Variants in COPS7A observed in about 807,000 individuals in gnomAD.
COPS7A encodes COP9 signalosome subunit 7A, also known as COP9 signalosome complex subunit 7a.
COPS7A carries 20 observed loss-of-function variants against 35.2 expected under a neutral mutation model. The observed-to-expected ratio is 0.57, with a 90% confidence interval of 0.40 to 0.83. The LOEUF is 0.83. Ranked by LOEUF, COPS7A falls within the 40% of genes least tolerant of loss-of-function variation. COPS7A has a pLI of 0.00. For missense variants in COPS7A, 247 were observed against 347.5 expected, an observed-to-expected ratio of 0.71 and a Z score of 2.30; for synonymous variants, 139 against 141.4, an observed-to-expected ratio of 0.98 and a Z score of 0.12.
Position 6,728,167 on chromosome 12 carries a change from A to G in COPS7A, c.239-56A>G, listed in dbSNP as rs1941303772. The stretch of plus-strand genomic sequence containing the variant: ...AAGTGGGAGGGAAGGGAAGGAGGCT[A>G]GGGCTTCCCAGAAAACTGAAATCAG... On this transcript the variant is annotated intron_variant, in intron 3 of 7. Transcript: ENST00000543155. 1.9e-6 allele frequency: 3 copies of G among 1,554,156 alleles called. No individual in the cohort carries two copies. In the South Asian group the frequency reaches 3.4e-5, roughly 17 times the overall value.
In COPS7A at chr12:6,731,485, C is replaced by T. The variant is rs58851146; in HGVS notation, c.*446C>T. 5,221 of 317,192 alleles carry T rather than the reference C, an allele frequency of 0.016. 243 individuals are homozygous for T. Among genetic ancestry groups the T allele is most frequent in the African/African-American group, 0.1 (4,695 of 46,416 alleles). The allele number at this position is 317,192 out of a possible 1,614,324, so 19.6% of individuals were successfully genotyped here. On this transcript the variant is annotated 3_prime_UTR_variant, in exon 8 of 8. Transcript: ENST00000543155. ...GAGCAGCCTCTGAAGAGCCATAGGGCCCCCACCTTTACTCACACCCTGAGA... is the reference window on the plus strand; with the variant it reads ...GAGCAGCCTCTGAAGAGCCATAGGGTCCCCACCTTTACTCACACCCTGAGA...
chr12:6,724,933 A>G, intron 2 of COPS7A, 115 bp downstream of exon 2: 1 of 1,149,364 alleles, frequency 8.7e-7, no homozygotes, highest in Non-Finnish European at 1.2e-6. Flanking sequence ...ACAAGAAAAC[A>G]GTGATAATTA....
chr12:6,727,878 G>T, intron 2 of COPS7A, 48 bp from the exon 3 acceptor site: 1 of 1,576,158 alleles, frequency 6.3e-7, no homozygotes, highest in Non-Finnish European at 8.7e-7. Context: ...GGCTGGGAGG[G>T]TGGAGAGGGA....
Position 6,729,243 on chromosome 12 carries a change from C to G in COPS7A, c.328-4C>G, listed in dbSNP as rs747192926. 6.2e-7 allele frequency: 1 copy of G among 1,614,062 alleles called. No individual in the cohort carries two copies. The highest frequency in any genetic ancestry group is 1.1e-5 in the South Asian group (1 of 91,080). On this transcript the variant is annotated splice_polypyrimidine_tract_variant and splice_region_variant and intron_variant, in intron 4 of 7. Coordinates refer to ENST00000543155, the MANE Select transcript of COPS7A (RefSeq NM_001164094.2). This position sits in a 1 kb window ranked among gnomAD's most constrained non-coding sequence, Gnocchi z 4.2. Reference sequence around the variant, plus strand: ...AAATCCTGGCCTGATCTCCGCGGCCCCAGTGTATCCCATATGCAGTGTTGC... The same window carrying G: ...AAATCCTGGCCTGATCTCCGCGGCCGCAGTGTATCCCATATGCAGTGTTGC...
At chr12:6,726,937 T>TG (rs1407542129) in intron 2 of COPS7A, among the ~76,000 whole-genome samples, 2 of 152,228 alleles carry the variant, frequency 1.3e-5, no homozygotes, top group Non-Finnish European at 2.9e-5. Context: ...AAGTATTTCT[T>TG]GCGAGGCAAT....
rs3168600 is a variant in COPS7A, at chr12:6,731,043, G to T, written c.*4G>T. Reference sequence around the variant, plus strand: ...GATTTGGTCCAAGTCGAATTGAAAGGACTGTCGTTTCCTCCCTGGGGATGT... The same window carrying T: ...GATTTGGTCCAAGTCGAATTGAAAGTACTGTCGTTTCCTCCCTGGGGATGT... On this transcript the variant is annotated 3_prime_UTR_variant, in exon 8 of 8. Transcript: ENST00000543155. 2.5e-6 allele frequency: 4 copies of T among 1,613,542 alleles called. No homozygotes were observed. Among genetic ancestry groups the T allele is most frequent in the Admixed American group, 1.7e-5 (1 of 59,958 alleles).
chr12:6,727,462 A>G (rs1239388890), intron 2 of COPS7A, among the ~76,000 whole-genome samples: 4 of 151,954 alleles, frequency 2.6e-5, no homozygotes, highest in African/African-American at 9.7e-5. Context: ...CAGAGACCAT[A>G]AGTTTAGATG....
intron 1 of COPS7A, 160 bp from the exon 2 acceptor site, chr12:6,724,454 G>A: frequency 1.5e-6 from 1 of 651,940 alleles, no homozygotes; most frequent in Non-Finnish European, 2.7e-6. Flanking sequence ...TTGCGAAGTG[G>A]CTGACTTTAG....
Position 6,729,539 on chromosome 12 carries a change from C to G in COPS7A, c.530+90C>G, listed in dbSNP as rs1456561806. The G allele has an allele frequency of 5.9e-6, 8 of 1,344,720 alleles. No individual in the cohort carries two copies. Among genetic ancestry groups the G allele is most frequent in the Non-Finnish European group, 8.2e-6 (8 of 978,946 alleles). The allele number at this position is 1,344,720 out of a possible 1,614,324, so 83.3% of individuals were successfully genotyped here. On this transcript the variant is annotated intron_variant, in intron 5 of 7. Coordinates refer to ENST00000543155, the MANE Select transcript of COPS7A (RefSeq NM_001164094.2). The surrounding 1 kb of genome is among the most constrained non-coding windows in gnomAD (Gnocchi z 4.2). Reference sequence around the variant, plus strand: ...AGAGAGGGCAGGAGCTGGGCTGGTCCGCAGAGGTGGAACCCAAGAGGATGA... The same window carrying G: ...AGAGAGGGCAGGAGCTGGGCTGGTCGGCAGAGGTGGAACCCAAGAGGATGA...
Position 6,730,889 on chromosome 12 carries a change from C to T in COPS7A, c.788+69C>T, listed in dbSNP as rs56992815. On this transcript the variant is annotated intron_variant, in intron 7 of 7. Transcript: ENST00000543155. ...CTTTTACCCCAGGGACCTCACTGTC[C>T]TCATTTCCTTCAGTTATTTGCATGG... is the stretch of plus-strand genomic sequence containing the variant. The T allele has an allele frequency of 1.6e-3, 2,491 of 1,597,958 alleles. 39 individuals carry two copies. In the African/African-American group the frequency reaches 0.03, roughly 19 times the overall value.
In COPS7A at chr12:6,729,791, T is replaced by C. The variant is rs572042729; in HGVS notation, c.530+342T>C. Among the ~76,000 whole-genome samples the C allele has an allele frequency of 1.3e-5, 2 of 152,342 alleles. No individual in the cohort carries two copies. The highest frequency in any genetic ancestry group is 4.1e-4 in the South Asian group (2 of 4,832). On this transcript the variant is annotated intron_variant, in intron 5 of 7. Transcript: ENST00000543155. This position sits in a 1 kb window ranked among gnomAD's most constrained non-coding sequence, Gnocchi z 4.2. ...ACAGGCCATGACCCTTTTCCTCTTT[T>C]TTATTTTCTTTGTGTCCCCATCTAA...
chr12:6,724,321 C>T, intron 1 of COPS7A, 142 bp downstream of exon 1: 1 of 430,356 alleles, frequency 2.3e-6, no homozygotes, highest in Admixed American at 3.0e-5. Context: ...GCTGAGGGAG[C>T]GTCGTCAGGG....
At chr12:6,726,008 C>T in intron 2 of COPS7A, 1 of 425,418 alleles carries the variant, frequency 2.4e-6, no homozygotes. Context: ...TGGCAGAATC[C>T]TGTCTCTGTT....
At chr12:6,726,752 C>T (rs1941267396) in intron 2 of COPS7A, among the ~76,000 whole-genome samples, 1 of 150,628 alleles carries the variant, frequency 6.6e-6, no homozygotes, top group Admixed American at 6.6e-5. Flanking sequence ...CAGTGTGAGA[C>T]ACCATCTCAA....
chr12:6,724,991 T>G (rs1783994142), intron 2 of COPS7A, among the ~76,000 whole-genome samples, 173 bp downstream of exon 2: 1 of 152,146 alleles, frequency 6.6e-6, no homozygotes, highest in Non-Finnish European at 1.5e-5. Flanking sequence ...CCAGCTCTCC[T>G]TTGGAGATAA....
At chr12:6,727,302 A>G (rs564388207) in intron 2 of COPS7A, among the ~76,000 whole-genome samples, 20 of 142,134 alleles carry the variant, frequency 1.4e-4, no homozygotes, top group Admixed American at 3.9e-4. Context: ...GCGCCACTGC[A>G]CTCCAGCCTG....
chr12:6,729,147 G>A lies in COPS7A; in HGVS notation c.328-100G>A. 1 of 1,145,902 alleles carries A rather than the reference G, an allele frequency of 8.7e-7. No homozygotes were observed. Among genetic ancestry groups the A allele is most frequent in the Non-Finnish European group, 1.3e-6 (1 of 767,144 alleles). 71.0% of individuals were successfully genotyped at this position (1,145,902 alleles called of 1,614,324 possible). ...AAGTGATTTAGGAATGGGAGTGGAG[G>A]GCAGGTGGGCTAGGGCAGGGGGAAA... On this transcript the variant is annotated intron_variant, in intron 4 of 7. Transcript: ENST00000543155. The surrounding 1 kb of genome is among the most constrained non-coding windows in gnomAD (Gnocchi z 4.2).
intron 3 of COPS7A, 38 bp downstream of exon 3, chr12:6,728,039 G>C (rs760794918): frequency 1.9e-6 from 3 of 1,598,408 alleles, no homozygotes; most frequent in Non-Finnish European, 2.6e-6. Context: ...TAATGGAGAT[G>C]GGAGAAGGGC....
At position 6,729,208 on chromosome 12, in the gene COPS7A, G is replaced by C; in HGVS notation, c.328-39G>C. 1 of 1,609,004 alleles carries C rather than the reference G, an allele frequency of 6.2e-7. No individual in the cohort carries two copies. Among genetic ancestry groups the C allele is most frequent in the Non-Finnish European group, 8.5e-7 (1 of 1,175,580 alleles). On this transcript the variant is annotated intron_variant, in intron 4 of 7. Transcript: ENST00000543155. This position sits in a 1 kb window ranked among gnomAD's most constrained non-coding sequence, Gnocchi z 4.2. Reference sequence around the variant, plus strand: ...ATTTTTGGAAGCCCTTCTCTACTACGGAGCGTCACAAATCCTGGCCTGATC... The same window carrying C: ...ATTTTTGGAAGCCCTTCTCTACTACCGAGCGTCACAAATCCTGGCCTGATC...
Sources: allele counts gnomAD v4.1 joint callset (sites outside exome capture counted in the v4.1 genomes callset), GRCh38; gene constraint gnomAD v4.1.1; non-coding constraint Gnocchi (gnomAD v3.1); transcripts MANE v1.5; gene names NCBI Gene and HGNC (gene_info 2026-07-23, HGNC 2026-07-21).